Variants in RALYL observed in about 807,000 individuals in gnomAD.
RALYL encodes RALY RNA binding protein like.
RALYL carries 29 observed loss-of-function variants against 35.1 expected under a neutral mutation model. The observed-to-expected ratio is 0.83, with a 90% CI of 0.61 to 1.13. RALYL has a LOEUF of 1.13. Among genes scored for constraint, RALYL ranks in the 50% most tolerant of loss-of-function variants. The probability of loss-of-function intolerance (pLI) is 0.00; values close to 1 mark genes in which losing one functional copy is unlikely to be tolerated. For missense variants in RALYL, 359 were observed against 360.4 expected (o/e 1.00, Z 0.03); for synonymous variants, 120 against 127.6 (o/e 0.94, Z 0.40).
At chr8:84,604,484 A>C (rs1222267688) in intron 2 of RALYL, among the ~76,000 whole-genome samples, 2 of 152,128 alleles carry the variant, frequency 1.3e-5, no homozygotes. Flanking sequence ...TGGTGCCAAA[A>C]ACATAGTCCC....
chr8:84,355,884 T>C (rs58308118), intron 1 of RALYL, among the ~76,000 whole-genome samples: 18,749 of 149,596 alleles, frequency 0.13, 2,843 homozygotes, highest in African/African-American at 0.29. Context: ...AATGATATGG[T>C]TTGGATTTGT....
At chr8:84,388,072 T>C (rs1421354849) in intron 1 of RALYL, among the ~76,000 whole-genome samples, 2 of 152,112 alleles carry the variant, frequency 1.3e-5, no homozygotes, top group East Asian at 3.9e-4. Flanking sequence ...AATTCCCACC[T>C]ATGAGTGAGA....
rs943520280 is a variant in RALYL, at chr8:84,386,897, C to T, written c.-23-142402C>T. On this transcript the variant is annotated intron_variant, in intron 1 of 8. Transcript: ENST00000521268. The stretch of plus-strand genomic sequence containing the variant: ...TCCTTTTCACCTCAATAACTGACAC[C>T]TATTTGTTGGGCCCAATCCTCTGGG... Among the ~76,000 whole-genome samples the T allele has an allele frequency of 2.0e-5, 3 of 151,816 alleles. No individual in the cohort carries two copies. In the East Asian group the frequency reaches 5.8e-4, roughly 29 times the overall value.
intron 3 of RALYL, among the ~76,000 whole-genome samples, chr8:84,782,800 G>A (rs1818506795): frequency 6.6e-6 from 1 of 152,162 alleles, no homozygotes; most frequent in Non-Finnish European, 1.5e-5. Context: ...GATGCTTTGT[G>A]GGTTTTATCT....
At chr8:84,236,175 A>T (rs1359690616) in intron 1 of RALYL, among the ~76,000 whole-genome samples, 2 of 152,174 alleles carry the variant, frequency 1.3e-5, no homozygotes, top group African/African-American at 4.8e-5. Context: ...CAACGTATAT[A>T]TTACATTTTA....
chr8:84,843,096 A>G (rs1225987979), intron 4 of RALYL, among the ~76,000 whole-genome samples: 2 of 152,174 alleles, frequency 1.3e-5, no homozygotes, highest in Non-Finnish European at 2.9e-5. Flanking sequence ...TATTCAACGT[A>G]GTGTTGGAAG....
chr8:84,531,952 A>G (rs1386612547), intron 2 of RALYL, among the ~76,000 whole-genome samples: 1 of 152,072 alleles, frequency 6.6e-6, no homozygotes, highest in Non-Finnish European at 1.5e-5. Flanking sequence ...GTTAAATTGT[A>G]CCTCTTCTAA....
chr8:84,298,926 C>A (rs1840267894), intron 1 of RALYL, among the ~76,000 whole-genome samples: 1 of 151,974 alleles, frequency 6.6e-6, no homozygotes, highest in Non-Finnish European at 1.5e-5. Context: ...TGAAACTTTG[C>A]CCAAGTTGTG....
intron 1 of RALYL, among the ~76,000 whole-genome samples, chr8:84,470,953 G>A (rs1192874171): frequency 2.6e-5 from 4 of 152,088 alleles, no homozygotes; most frequent in African/African-American, 4.8e-5. Flanking sequence ...TGTTACTATG[G>A]GTTAGCCTTC....
At chr8:84,415,199 A>T (rs2044526842) in intron 1 of RALYL, among the ~76,000 whole-genome samples, 1 of 93,984 alleles carries the variant, frequency 1.1e-5, no homozygotes. Context: ...CTACTTGCAG[A>T]CACTCGTTTT....
chr8:84,603,322 T>A (rs976372962), intron 2 of RALYL, among the ~76,000 whole-genome samples: 1 of 152,110 alleles, frequency 6.6e-6, no homozygotes, highest in African/African-American at 2.4e-5. Context: ...TTGTTATTAT[T>A]GTTACTTTAT....
At chr8:84,278,447 G>A (rs1050731177) in intron 1 of RALYL, among the ~76,000 whole-genome samples, 5 of 152,208 alleles carry the variant, frequency 3.3e-5, no homozygotes, top group African/African-American at 1.2e-4. Context: ...CATTATCTTG[G>A]TGCTTAACAT....
At chr8:84,308,155 C>G (rs983502394) in intron 1 of RALYL, among the ~76,000 whole-genome samples, 1 of 150,102 alleles carries the variant, frequency 6.7e-6, no homozygotes, top group Non-Finnish European at 1.5e-5. Flanking sequence ...AACAAAGATT[C>G]TACACGGAAA....
intron 1 of RALYL, among the ~76,000 whole-genome samples, chr8:84,233,383 T>C (rs1412709641): frequency 1.3e-5 from 2 of 152,194 alleles, no homozygotes; most frequent in East Asian, 1.9e-4. Flanking sequence ...TTTATTACTA[T>C]GGCAGATCTG....
At chr8:84,337,426 G>T (rs935653493) in intron 1 of RALYL, among the ~76,000 whole-genome samples, 3 of 151,508 alleles carry the variant, frequency 2.0e-5, no homozygotes, top group African/African-American at 7.3e-5. Context: ...ATTCAGAATT[G>T]AGTGCAAAAA....
intron 1 of RALYL, among the ~76,000 whole-genome samples, chr8:84,474,497 A>G (rs765001805): frequency 7.9e-5 from 12 of 152,208 alleles, no homozygotes; most frequent in Non-Finnish European, 1.5e-4. Context: ...AGTTTCTGAG[A>G]AAATTTCATA....
At chr8:84,566,166 A>G (rs1413311712) in intron 2 of RALYL, among the ~76,000 whole-genome samples, 1 of 151,450 alleles carries the variant, frequency 6.6e-6, no homozygotes, top group Non-Finnish European at 1.5e-5. Flanking sequence ...AATTGCATAG[A>G]ACATTTCGTG....
chr8:84,277,188 C>T (rs900737951), intron 1 of RALYL, among the ~76,000 whole-genome samples: 1 of 152,162 alleles, frequency 6.6e-6, no homozygotes, highest in Non-Finnish European at 1.5e-5. Context: ...TCTTACAGTT[C>T]CACATGGCTT....
chr8:84,470,260 A>G (rs1431974380), intron 1 of RALYL, among the ~76,000 whole-genome samples: 1 of 152,142 alleles, frequency 6.6e-6, no homozygotes, highest in African/African-American at 2.4e-5. Flanking sequence ...ACATTAAGAG[A>G]ATGATTATTC....
Sources: allele counts gnomAD v4.1 joint callset (sites outside exome capture counted in the v4.1 genomes callset), GRCh38; gene constraint gnomAD v4.1.1; transcripts MANE v1.5; gene names NCBI Gene and HGNC (gene_info 2026-07-23, HGNC 2026-07-21).